KIF13B: variants seen among roughly 807,000 people sequenced by gnomAD.
KIF13B encodes the protein kinesin-like protein KIF13B.
KIF13B carries 127 observed loss-of-function variants against 222.0 expected under a neutral mutation model. That is an observed-to-expected ratio of 0.57 (90% CI 0.50 to 0.66). The LOEUF is 0.66. KIF13B is among the 30% of genes least tolerant of loss of function. The pLI is 0.00. For synonymous variants in KIF13B, 976 were observed against 919.0 expected (o/e 1.06, Z -1.12); for missense variants, 2,173 against 2,379.0 (o/e 0.91, Z 1.80).
Position 29,130,675 on chromosome 8 carries a change from A to G in KIF13B, c.2943-10T>C, listed in dbSNP as rs1026921087. The stretch of plus-strand genomic sequence containing the variant: ...GGTCACTTCACTCCATCTAGGAAAT[A>G]AGCGAAGTTCTTGGAAAATCATACA... On this transcript the variant is annotated splice_polypyrimidine_tract_variant and intron_variant, in intron 23 of 39. Coordinates refer to ENST00000524189, the MANE Select transcript of KIF13B (RefSeq NM_015254.4). The G allele has an allele frequency of 6.2e-7, 1 of 1,613,626 alleles. No individual in the cohort carries two copies. Among genetic ancestry groups the G allele is most frequent in the Middle Eastern group, 1.7e-4 (1 of 6,058 alleles).
chr8:29,119,595 A>C (rs7836759), intron 29 of KIF13B, among the ~76,000 whole-genome samples: 95,890 of 151,956 alleles, frequency 0.63, 30,413 homozygotes, highest in Admixed American at 0.67. Flanking sequence ...GCCCAGACTA[A>C]CACGTCTTCC....
intron 36 of KIF13B, among the ~76,000 whole-genome samples, chr8:29,096,218 G>A (rs528631353): frequency 1.3e-5 from 2 of 151,222 alleles, no homozygotes; most frequent in South Asian, 4.2e-4. Flanking sequence ...CCTGACCTCA[G>A]GTGATCCCCC....
At chr8:29,148,149 G>C (rs1261206348) in intron 16 of KIF13B, among the ~76,000 whole-genome samples, 1 of 152,232 alleles carries the variant, frequency 6.6e-6, no homozygotes, top group Admixed American at 6.5e-5. Flanking sequence ...AGGTTGCAGG[G>C]AGCCGAGATC....
chr8:29,169,035 C>CA (rs1812127722), intron 10 of KIF13B, among the ~76,000 whole-genome samples: 1 of 152,168 alleles, frequency 6.6e-6, no homozygotes, highest in African/African-American at 2.4e-5. Flanking sequence ...TCCAATGGGC[C>CA]AGTAATGGGA....
chr8:29,180,532 T>C (rs1375345001), intron 7 of KIF13B, among the ~76,000 whole-genome samples: 1 of 152,174 alleles, frequency 6.6e-6, no homozygotes, highest in Non-Finnish European at 1.5e-5. Flanking sequence ...CCAACCCTCA[T>C]CTAATATAGA....
At chr8:29,100,789 A>C (rs1290638355) in intron 35 of KIF13B, among the ~76,000 whole-genome samples, 1 of 152,210 alleles carries the variant, frequency 6.6e-6, no homozygotes, top group African/African-American at 2.4e-5. Flanking sequence ...AAATGGGGAC[A>C]GTGAGTTCTC....
chr8:29,106,390 G>C (rs1809067703), intron 35 of KIF13B, among the ~76,000 whole-genome samples: 1 of 152,178 alleles, frequency 6.6e-6, no homozygotes, highest in African/African-American at 2.4e-5. Flanking sequence ...CCAGCACTTT[G>C]GGAGGCCAAG....
rs748528379 is a variant in KIF13B at position 29,071,806 on chromosome 8, G to C, written c.5032C>G (p.Pro1678Ala). Reference protein sequence around the residue: ...GCSPGAEGNAPAPGAGGQALA... With the variant: ...GCSPGAEGNAAAPGAGGQALA... ...GCCTGTCCCCCGGCGCCCGGGGCCG[G>C]CGCATTCCCCTCGGCCCCCGGGGAG... The change falls in exon 39 of 40, where the codon CCG (proline) becomes GCG (alanine). Residue 1678 changes from proline to alanine, a missense_variant. This residue lies in a region of KIF13B where 693 missense variants were observed against 656.2 expected (regional missense o/e 1.06). Transcript: ENST00000524189. This position sits in a 1 kb window ranked among gnomAD's most constrained non-coding sequence, Gnocchi z 4.9. 1.5e-4 allele frequency: 226 copies of C among 1,545,316 alleles called. No individual in the cohort carries two copies. The highest frequency in any genetic ancestry group is 1.9e-4 in the Non-Finnish European group (220 of 1,146,158).
rs1196574650 is a variant in KIF13B, at chr8:29,071,019, A to G, written c.5219-253T>C. Among the ~76,000 whole-genome samples the G allele has an allele frequency of 1.3e-5, 2 of 152,186 alleles. No homozygotes were observed. The highest frequency in any genetic ancestry group is 4.1e-4 in the South Asian group (2 of 4,836). ...TGCACAGCCCCAGTCCTGCAGCCTC[A>G]GGTAGGAGGTGACAGGCCCTGGGGG... On this transcript the variant is annotated intron_variant, in intron 39 of 39. Coordinates refer to ENST00000524189, the MANE Select transcript of KIF13B (RefSeq NM_015254.4). The surrounding 1 kb of genome is among the most constrained non-coding windows in gnomAD (Gnocchi z 4.9).
chr8:29,119,983 T>C (rs1809781041), intron 29 of KIF13B, among the ~76,000 whole-genome samples: 2 of 152,192 alleles, frequency 1.3e-5, no homozygotes, highest in Non-Finnish European at 2.9e-5. Context: ...CGTTAATACA[T>C]AGTTCTGCAG....
chr8:29,157,000 A>C (rs1811562554), intron 13 of KIF13B, among the ~76,000 whole-genome samples: 2 of 152,166 alleles, frequency 1.3e-5, no homozygotes, highest in Admixed American at 1.3e-4. Context: ...CAGTCAACTG[A>C]AAAGCTTAGA....
chr8:29,099,086 G>T, intron 36 of KIF13B, 47 bp downstream of exon 36: 1 of 1,390,932 alleles, frequency 7.2e-7, no homozygotes, highest in Non-Finnish European at 1.0e-6. Context: ...CTTTCTGAAA[G>T]ATGCTCAGAT....
intron 23 of KIF13B, among the ~76,000 whole-genome samples, chr8:29,131,879 G>C (rs1303210181): frequency 6.6e-6 from 1 of 152,196 alleles, no homozygotes; most frequent in African/African-American, 2.4e-5. Context: ...TCCCTTCAGG[G>C]AACACTGGTC....
intron 15 of KIF13B, among the ~76,000 whole-genome samples, chr8:29,149,839 G>C (rs1811220203): frequency 6.6e-6 from 1 of 152,048 alleles, no homozygotes; most frequent in Admixed American, 6.6e-5. Context: ...TCTGTCAGGG[G>C]AATAAATGAT....
At position 29,240,606 on chromosome 8, in the gene KIF13B, T is replaced by G. The variant is rs569298258; in HGVS notation, c.149+4740A>C. On this transcript the variant is annotated intron_variant, in intron 2 of 39. Transcript: ENST00000524189. ...AATTTTTCAAAACCTTGTTTTAAAATAAGTAAGTACTGCTCAATAGAGAAG... is the reference window on the plus strand; with the variant it reads ...AATTTTTCAAAACCTTGTTTTAAAAGAAGTAAGTACTGCTCAATAGAGAAG... 3.9e-5 allele frequency among the ~76,000 whole-genome samples: 6 copies of G among 152,358 alleles called. 1 individual carries two copies. Among genetic ancestry groups the G allele is most frequent in the South Asian group, 4.1e-4 (2 of 4,832 alleles).
chr8:29,072,427 T>C, intron 38 of KIF13B, 111 bp from the exon 39 acceptor site: 1 of 638,360 alleles, frequency 1.6e-6, no homozygotes, highest in Non-Finnish European at 2.4e-6. Flanking sequence ...TGGCTCAGCC[T>C]GTAACCCCAG....
intron 31 of KIF13B, among the ~76,000 whole-genome samples, chr8:29,114,271 C>T (rs1475997343): frequency 1.3e-5 from 2 of 152,156 alleles, no homozygotes; most frequent in Non-Finnish European, 2.9e-5. Flanking sequence ...ACATGTGAAG[C>T]CCCCAAGAAA....
chr8:29,106,537 C>T (rs535865204), intron 35 of KIF13B, among the ~76,000 whole-genome samples: 39 of 141,372 alleles, frequency 2.8e-4, no homozygotes, highest in Non-Finnish European at 4.6e-4. Flanking sequence ...GAGGCTGAGG[C>T]AGGAGAATCA....
At chr8:29,176,262 A>G (rs1812472481) in intron 9 of KIF13B, 83 bp from the exon 10 acceptor site, 1 of 817,480 alleles carries the variant, frequency 1.2e-6, no homozygotes, top group Non-Finnish European at 2.0e-6. Context: ...GAACACTAAG[A>G]TGCCCTTGTA....
Sources: allele counts gnomAD v4.1 joint callset (sites outside exome capture counted in the v4.1 genomes callset), GRCh38; gene constraint gnomAD v4.1.1; regional missense constraint gnomAD v4.1.1; non-coding constraint Gnocchi (gnomAD v3.1); transcripts MANE v1.5; gene names NCBI Gene and HGNC (gene_info 2026-07-23, HGNC 2026-07-21).